Variants in MYO10 observed in about 807,000 individuals in gnomAD.
MYO10 encodes the protein unconventional myosin-X.
A neutral mutation model predicts 257.3 loss-of-function variants in MYO10; 133 were observed. The observed-to-expected ratio is 0.52, with a 90% CI of 0.45 to 0.60. MYO10 has a LOEUF of 0.60. MYO10 is among the 20% of genes least tolerant of loss of function. The pLI, the probability that MYO10 is intolerant of heterozygous loss-of-function variation, is 0.00. For synonymous variants in MYO10, 1,104 were observed against 1,028.6 expected (o/e 1.07, Z -1.40); for missense variants, 2,399 against 2,635.7 (o/e 0.91, Z 1.97).
At chr5:16,803,721 A>G (rs1256515984) in intron 3 of MYO10, among the ~76,000 whole-genome samples, 1 of 152,208 alleles carries the variant, frequency 6.6e-6, no homozygotes, top group African/African-American at 2.4e-5. Flanking sequence ...AGGAAAGAAT[A>G]TGTAAAATGT....
At chr5:16,816,060 G>A (rs1742597400) in intron 3 of MYO10, among the ~76,000 whole-genome samples, 2 of 147,126 alleles carry the variant, frequency 1.4e-5, no homozygotes, top group Non-Finnish European at 3.0e-5. Context: ...AAAAAAAAAA[G>A]GGCGGGGCAC....
intron 22 of MYO10, among the ~76,000 whole-genome samples, chr5:16,704,296 G>T (rs1381338890): frequency 2.6e-5 from 4 of 152,118 alleles, no homozygotes; most frequent in African/African-American, 9.7e-5. Context: ...CCACACTCTA[G>T]CCTCAGAGAC....
chr5:16,849,508 G>C (rs77884320), intron 2 of MYO10, among the ~76,000 whole-genome samples: 1 of 152,168 alleles, frequency 6.6e-6, no homozygotes, highest in East Asian at 1.9e-4. Context: ...TTGTGGTTCA[G>C]AGAGCAAATG....
chr5:16,780,090 C>T (rs965387201), intron 8 of MYO10, among the ~76,000 whole-genome samples: 9 of 151,964 alleles, frequency 5.9e-5, no homozygotes, highest in Non-Finnish European at 8.8e-5. Flanking sequence ...TTAGTAGAGA[C>T]GGAGTTTCAC....
chr5:16,767,274 G>A (rs561735976), intron 10 of MYO10, among the ~76,000 whole-genome samples: 5 of 149,444 alleles, frequency 3.3e-5, no homozygotes, highest in South Asian at 2.1e-4. Flanking sequence ...GGGTTCAAGC[G>A]ATTCTCTTGC....
At chr5:16,843,449 A>ATTTTATAAATGAG (rs67169112) in intron 2 of MYO10, among the ~76,000 whole-genome samples, 52,085 of 152,044 alleles carry the variant, frequency 0.34, 10,807 homozygotes, top group African/African-American at 0.58. Context: ...TCTTATCCCA[A>ATTTTATAAATGAG]AAGACTGAAG....
chr5:16,821,433 C>A (rs1293033228), intron 2 of MYO10, among the ~76,000 whole-genome samples: 1 of 140,530 alleles, frequency 7.1e-6, no homozygotes, highest in Non-Finnish European at 1.5e-5. Flanking sequence ...ACTTCCTTTC[C>A]TCCTATTTTC....
At chr5:16,815,528 C>T in intron 3 of MYO10, 1 of 674,842 alleles carries the variant, frequency 1.5e-6, no homozygotes. Context: ...AACTACAAGA[C>T]TTTGTAATAT....
chr5:16,852,101 G>A (rs1449822241), intron 2 of MYO10, among the ~76,000 whole-genome samples: 1 of 146,582 alleles, frequency 6.8e-6, no homozygotes, highest in African/African-American at 2.5e-5. Flanking sequence ...TCACTGGGAA[G>A]GAAAGAAGGA....
At chr5:16,672,340 ATAGTT>A (rs1391218321) in intron 37 of MYO10, among the ~76,000 whole-genome samples, 11 of 152,112 alleles carry the variant, frequency 7.2e-5, no homozygotes, top group Admixed American at 2.0e-4. Context: ...GACATAACAC[ATAGTT>A]TAAAGAGTTT....
At chr5:16,763,425 G>T (rs543089528) in intron 14 of MYO10, 56 bp downstream of exon 14, 111 of 1,343,738 alleles carry the variant, frequency 8.3e-5, no homozygotes, top group Non-Finnish European at 1.2e-4. Flanking sequence ...CCATAAATAT[G>T]AATCAGTCCA....
At position 16,673,790 on chromosome 5, in the gene MYO10, T is replaced by G; in HGVS notation, c.5064A>C (p.Arg1688=). 1 of 1,613,960 alleles carries G rather than the reference T, an allele frequency of 6.2e-7. No homozygotes were observed. Among genetic ancestry groups the G allele is most frequent in the Non-Finnish European group, 8.5e-7 (1 of 1,179,902 alleles). ...TGTGGATCAGAGCTTCTATTTCATC[T>G]CGGGAAGGCACAAACTCTCGGCATT... The part of the protein sequence containing the change: ...KTKCREFVPS[R]DEIEALIHRQ... The change falls in exon 36 of 41, where the codon CGA becomes CGC. Residue 1688 remains arginine (R), a synonymous_variant. Transcript: ENST00000513610.
intron 2 of MYO10, among the ~76,000 whole-genome samples, chr5:16,818,381 C>CGTGTGTGT (rs66684462): frequency 7.5e-6 from 1 of 134,012 alleles, no homozygotes; most frequent in African/African-American, 3.0e-5. Context: ...TGTGTGTGTG[C>CGTGTGTGT]GTGTGTGTGT....
At position 16,684,044 on chromosome 5, in the gene MYO10, C is replaced by T; in HGVS notation, c.3991-109G>A. 4 of 958,548 alleles carry T rather than the reference C, an allele frequency of 4.2e-6. No homozygotes were observed. The South Asian group carries it at 5.8e-5, about 14-fold the overall frequency. The allele number at this position is 958,548 out of a possible 1,614,324, so 59.4% of individuals were successfully genotyped here. ...CCAATCAGACAGAAAAGGCTCTTTTCTTTTTAACTTCAAAATAATAGTTAT... is the reference window on the plus strand; with the variant it reads ...CCAATCAGACAGAAAAGGCTCTTTTTTTTTTAACTTCAAAATAATAGTTAT... On this transcript the variant is annotated intron_variant, in intron 29 of 40. Transcript: ENST00000513610.
At chr5:16,769,798 G>T (rs1740990546) in intron 9 of MYO10, among the ~76,000 whole-genome samples, 1 of 152,094 alleles carries the variant, frequency 6.6e-6, no homozygotes, top group Admixed American at 6.6e-5. Flanking sequence ...ATTACCTCAG[G>T]GAGTCACAGT....
At chr5:16,851,956 C>T (rs149377671) in intron 2 of MYO10, among the ~76,000 whole-genome samples, 9 of 142,606 alleles carry the variant, frequency 6.3e-5, no homozygotes, top group South Asian at 2.2e-4. Flanking sequence ...GAGGCTGAGA[C>T]GGAAGAATCG....
chr5:16,763,714 C>T lies in MYO10; in HGVS notation c.1368G>A (p.Glu456=). The T allele has an allele frequency of 1.2e-6, 2 of 1,609,688 alleles. No homozygotes were observed. The highest frequency in any genetic ancestry group is 2.2e-5 in the South Asian group (2 of 90,752). The stretch of plus-strand genomic sequence containing the variant: ...GCTTGTTGAAGTACTCCTGAAGTTT[C>T]TCGTTTGCATAGTTTATATTGAACT... The part of the protein sequence containing the change: ...FEQFNINYAN[E]KLQEYFNKHI... The change falls in exon 13 of 41, where the codon GAG becomes GAA. Residue 456 remains glutamate, a synonymous_variant. Transcript: ENST00000513610.
chr5:16,763,702 C>T lies in MYO10; in HGVS notation c.1380G>A (p.Glu460=), dbSNP rs773631804. ...AAGAAAAAATATGCTTGTTGAAGTA[C>T]TCCTGAAGTTTCTCGTTTGCATAGT... The part of the protein sequence containing the change: ...NINYANEKLQ[E]YFNKHIFSLE... Residue 460 remains glutamate (E), a synonymous_variant, in exon 13 of 41, where the codon GAG becomes GAA. Transcript: ENST00000513610. The T allele has an allele frequency of 2.5e-6, 4 of 1,610,986 alleles. No individual in the cohort carries two copies. Among genetic ancestry groups the T allele is most frequent in the African/African-American group, 1.3e-5 (1 of 74,972 alleles).
chr5:16,925,556 C>T (rs912290609), intron 1 of MYO10, among the ~76,000 whole-genome samples: 17 of 152,092 alleles, frequency 1.1e-4, no homozygotes, highest in Admixed American at 9.8e-4. Context: ...GGATTACAGG[C>T]GCCTGCTACC....
Sources: allele counts gnomAD v4.1 joint callset (sites outside exome capture counted in the v4.1 genomes callset), GRCh38; gene constraint gnomAD v4.1.1; transcripts MANE v1.5; gene names NCBI Gene and HGNC (gene_info 2026-07-23, HGNC 2026-07-21).